Variants in OR1D2 observed in about 807,000 individuals in gnomAD.
The protein encoded by OR1D2 is olfactory receptor 1D2.
For synonymous variants in OR1D2, 157 were observed against 153.9 expected (o/e 1.02, Z -0.15); for missense variants, 357 against 376.1 (o/e 0.95, Z 0.42).
intron 1 of OR1D2, among the ~76,000 whole-genome samples, chr17:3,099,786 G>A (rs949211813): frequency 2.6e-5 from 4 of 152,024 alleles, no homozygotes; most frequent in Non-Finnish European, 4.4e-5. Flanking sequence ...CCCATCTCAC[G>A]TACAAAGACA....
chr17:3,092,180 C>T lies in OR1D2; in HGVS notation c.817G>A (p.Ala273Thr). The change falls in exon 2 of 2, where the codon GCC becomes ACC. Residue 273 changes from alanine (A) to threonine (T), a missense_variant. By Grantham distance (58) the Ala-to-Thr change is moderately conservative. Transcript: ENST00000641833. ...GTCACCACAGCATACATCACTGTGG[C>T]TACTGAGTCCTTCACAGAGTAGGTA... ...LHTYSVKDSV[A>T]TVMYAVVTPM... 6.2e-7 allele frequency: 1 copy of T among 1,613,918 alleles called. No homozygotes were observed.
intron 1 of OR1D2, among the ~76,000 whole-genome samples, chr17:3,097,872 T>G (rs743608): frequency 0.11 from 16,077 of 152,184 alleles, 1,267 homozygotes; most frequent in African/African-American, 0.21. Flanking sequence ...GGTCCCAAAA[T>G]GTGTCCACCA....
In OR1D2 at chr17:3,088,780, G is replaced by A. The variant is rs957090812; in HGVS notation, c.*3278C>T. The A allele has an allele frequency of 6.6e-6, 1 of 152,172 alleles. No homozygotes were observed. The highest frequency in any genetic ancestry group is 2.4e-5 in the African/African-American group (1 of 41,424). 9.4% of individuals were successfully genotyped at this position (152,172 alleles called of 1,614,324 possible). A position where few individuals can be genotyped will look rare whatever the true frequency, so the allele number is the denominator to read the frequency against. ...CTTTAACTACCAGGCCCAGGGCGTG[G>A]TGACAGGCTGTCTGCCTTTAGATTT... On this transcript the variant is annotated 3_prime_UTR_variant, in exon 2 of 2. Coordinates refer to ENST00000641833, the MANE Select transcript of OR1D2 (RefSeq NM_002548.3).
chr17:3,097,030 G>A (rs111378020), intron 1 of OR1D2, among the ~76,000 whole-genome samples: 1 of 152,310 alleles, frequency 6.6e-6, no homozygotes, highest in African/African-American at 2.4e-5. Context: ...CACTGCAGTA[G>A]AATAAAATTA....
At chr17:3,097,180 C>A (rs1182741078) in intron 1 of OR1D2, among the ~76,000 whole-genome samples, 1 of 152,088 alleles carries the variant, frequency 6.6e-6, no homozygotes, top group Non-Finnish European at 1.5e-5. Flanking sequence ...AGTTTGTGTG[C>A]GTAGAGGTGT....
At position 3,092,750 on chromosome 17, in the gene OR1D2, C is replaced by T; in HGVS notation, c.247G>A (p.Val83Met). 1 of 1,614,042 alleles carries T rather than the reference C, an allele frequency of 6.2e-7. No individual in the cohort carries two copies. The highest frequency in any genetic ancestry group is 1.1e-5 in the South Asian group (1 of 91,058). ...FVTNTIPKML[V>M]NLQSHNKAIS... is the part of the protein sequence containing the mutation. ...GCTTTGTTATGGGACTGGAGGTTCA[C>T]CAGCATCTTGGGGATTGTGTTGGTG... The change falls in exon 2 of 2, where the codon GTG becomes ATG. Residue 83 changes from valine (V) to methionine (M), a missense_variant. Transcript: ENST00000641833.
Position 3,092,630 on chromosome 17 carries a change from A to G in OR1D2, c.367T>C (p.Tyr123His). 6.2e-7 allele frequency: 1 copy of G among 1,614,130 alleles called. No homozygotes were observed. The highest frequency in any genetic ancestry group is 8.5e-7 in the Non-Finnish European group (1 of 1,180,030). The change falls in exon 2 of 2, where the codon TAT (tyrosine) becomes CAT (histidine). Residue 123 changes from tyrosine (Y) to histidine (H), a missense_variant. Physicochemically the swap from Tyr to His is moderately conservative, Grantham distance 83. Coordinates refer to ENST00000641833, the MANE Select transcript of OR1D2 (RefSeq NM_002548.3). Reference sequence around the variant, plus strand: ...TGGAGGGGGCAGCAGATGGCCACATAGCGGTCATATGCCATCACAGCCAGG... The same window carrying G: ...TGGAGGGGGCAGCAGATGGCCACATGGCGGTCATATGCCATCACAGCCAGG... Reference protein sequence around the residue: ...LILAVMAYDRYVAICCPLHYT... With the variant: ...LILAVMAYDRHVAICCPLHYT...
At chr17:3,093,962 A>G (rs1427782904) in intron 1 of OR1D2, among the ~76,000 whole-genome samples, 1 of 152,220 alleles carries the variant, frequency 6.6e-6, no homozygotes, top group Non-Finnish European at 1.5e-5. Context: ...AATTTCATCT[A>G]AATATAAGCA....
chr17:3,103,656 A>C (rs111527102), intron 1 of OR1D2, among the ~76,000 whole-genome samples: 5 of 152,046 alleles, frequency 3.3e-5, no homozygotes, highest in African/African-American at 9.7e-5. Context: ...CTGAACACTG[A>C]TGTGGTCAGA....
Position 3,099,726 on chromosome 17 carries a change from G to A in OR1D2, c.-51+4373C>T, listed in dbSNP as rs555160456. Among the ~76,000 whole-genome samples, 4 of 152,262 alleles carry A rather than the reference G, an allele frequency of 2.6e-5. 1 individual carries two copies. In the East Asian group the frequency reaches 7.7e-4, roughly 29 times the overall value. ...ATGCCCCAATTAAAAGACACAGGTG[G>A]CCAATTTGGATAAAGAGTCAAGACC... On this transcript the variant is annotated intron_variant, in intron 1 of 1. Transcript: ENST00000641833.
At chr17:3,094,153 C>T (rs72808826) in intron 1 of OR1D2, among the ~76,000 whole-genome samples, 7,450 of 152,106 alleles carry the variant, frequency 0.049, 325 homozygotes, top group Admixed American at 0.15. Flanking sequence ...GTATATTAGC[C>T]GGTAAATTCT....
intron 1 of OR1D2, among the ~76,000 whole-genome samples, chr17:3,093,295 T>A (rs1304680581): frequency 6.6e-6 from 1 of 152,238 alleles, no homozygotes; most frequent in Non-Finnish European, 1.5e-5. Context: ...TGTGTTATGA[T>A]ATGTATATGT....
chr17:3,096,876 C>A (rs1308782410), intron 1 of OR1D2, among the ~76,000 whole-genome samples: 1 of 152,144 alleles, frequency 6.6e-6, no homozygotes. Context: ...TAACAGATGT[C>A]TATGTAACGC....
chr17:3,095,981 T>C (rs756109981), intron 1 of OR1D2, among the ~76,000 whole-genome samples: 6 of 152,110 alleles, frequency 3.9e-5, no homozygotes, highest in Admixed American at 2.0e-4. Flanking sequence ...ATAGAAATCA[T>C]TTTCTATATA....
At position 3,093,005 on chromosome 17, in the gene OR1D2, C is replaced by A. The variant is rs1401536459; in HGVS notation, c.-9G>T. 1 of 1,612,766 alleles carries A rather than the reference C, an allele frequency of 6.2e-7. No individual in the cohort carries two copies. Among genetic ancestry groups the A allele is most frequent in the Admixed American group, 1.7e-5 (1 of 59,914 alleles). On this transcript the variant is annotated 5_prime_UTR_variant, in exon 2 of 2. Transcript: ENST00000641833. ...TGGTTGCCTCCATCCATTTCCCCAA[C>A]TCTCTTTTAACATTAACACCAGCAA...
intron 1 of OR1D2, among the ~76,000 whole-genome samples, chr17:3,099,880 A>G (rs995693180): frequency 6.6e-6 from 1 of 152,202 alleles, no homozygotes; most frequent in Non-Finnish European, 1.5e-5. Flanking sequence ...CAGGCGTTGC[A>G]ATCCTAGTCT....
At position 3,090,832 on chromosome 17, in the gene OR1D2, T is replaced by C. The variant is rs1215766584; in HGVS notation, c.*1226A>G. 6.6e-6 allele frequency: 1 copy of C among 151,922 alleles called. No individual in the cohort carries two copies. Among genetic ancestry groups the C allele is most frequent in the Non-Finnish European group, 1.5e-5 (1 of 67,968 alleles). 9.4% of individuals were successfully genotyped at this position (151,922 alleles called of 1,614,324 possible). ...CAACCATTTTCTTATTTTTTTTTTT[T>C]CTTGTTCTTAGCTACTCAGAGGGGT... On this transcript the variant is annotated 3_prime_UTR_variant, in exon 2 of 2. Coordinates refer to ENST00000641833, the MANE Select transcript of OR1D2 (RefSeq NM_002548.3).
At chr17:3,102,766 C>T (rs539474874) in intron 1 of OR1D2, among the ~76,000 whole-genome samples, 6 of 152,130 alleles carry the variant, frequency 3.9e-5, no homozygotes, top group Non-Finnish European at 8.8e-5. Flanking sequence ...AAACTTAAAG[C>T]CTAATTGTCC....
At position 3,090,864 on chromosome 17, in the gene OR1D2, A is replaced by T. The variant is rs1384607455; in HGVS notation, c.*1194T>A. 6.6e-6 allele frequency: 1 copy of T among 151,634 alleles called. No homozygotes were observed. Among genetic ancestry groups the T allele is most frequent in the Non-Finnish European group, 1.5e-5 (1 of 67,946 alleles). 9.4% of individuals were successfully genotyped at this position (151,634 alleles called of 1,614,324 possible). A position where few individuals can be genotyped will look rare whatever the true frequency, so the allele number is the denominator to read the frequency against. On this transcript the variant is annotated 3_prime_UTR_variant, in exon 2 of 2. Transcript: ENST00000641833. ...CTTAGCTACTCAGAGGGGTCTGGCCATGTGAATTGCCTCAGTATTCTTGGT... is the reference window on the plus strand; with the variant it reads ...CTTAGCTACTCAGAGGGGTCTGGCCTTGTGAATTGCCTCAGTATTCTTGGT...
Sources: gnomAD v4.1 joint callset for allele counts (sites outside exome capture counted in the v4.1 genomes callset) on GRCh38, gnomAD v4.1.1 for gene constraint, MANE v1.5 for transcripts, NCBI Gene and HGNC (gene_info 2026-07-23, HGNC 2026-07-21) for gene names.